SLC25A48: variants seen among roughly 807,000 people sequenced by gnomAD.
SLC25A48 encodes solute carrier family 25 member 48, also known as CTC-321K16.1.
Under a neutral mutation model 32.2 loss-of-function variants are expected in SLC25A48, and 29 were observed. The observed-to-expected ratio is 0.90, with a 90% confidence interval of 0.67 to 1.23. The LOEUF (loss-of-function observed/expected upper bound fraction) is 1.23. Ranked by LOEUF, SLC25A48 falls within the 50% of genes most tolerant of loss-of-function variation. SLC25A48 has a pLI of 0.00. For synonymous variants in SLC25A48, 164 were observed against 172.3 expected (o/e 0.95, Z 0.38); for missense variants, 399 against 422.7 (o/e 0.94, Z 0.49).
At chr5:135,592,062 G>A (rs1028267491) in intron 1 of SLC25A48, among the ~76,000 whole-genome samples, 1 of 152,196 alleles carries the variant, frequency 6.6e-6, no homozygotes, top group African/African-American at 2.4e-5. Context: ...CTCTGCTTGT[G>A]TTAGAGTGGG....
At position 135,880,011 on chromosome 5, in the gene SLC25A48, C is replaced by G. The variant is rs553909080; in HGVS notation, c.857C>G (p.Pro286Arg). 6.5e-7 allele frequency: 1 copy of G among 1,536,374 alleles called. No homozygotes were observed. Among genetic ancestry groups the G allele is most frequent in the South Asian group, 1.2e-5 (1 of 84,062 alleles). The change falls in exon 7 of 8, where the codon CCC becomes CGC. Residue 286 changes from proline (P) to arginine (R), a missense_variant. Coordinates refer to ENST00000681962, the MANE Select transcript of SLC25A48 (RefSeq NM_001349336.2). ...ACTGTGAACGCGGTGCGGGGCTTCC[C>G]CATGAGTGCGGCCATGTTCCTTGGG... ...GITVNAVRGF[P>R]MSAAMFLGYE...
intron 3 of SLC25A48, among the ~76,000 whole-genome samples, chr5:135,713,082 A>G (rs914068678): frequency 2.0e-5 from 3 of 152,180 alleles, no homozygotes; most frequent in Non-Finnish European, 4.4e-5. Flanking sequence ...TTAACCTAAG[A>G]ACTTGCTATG....
At chr5:135,600,553 T>G (rs535858162) in intron 1 of SLC25A48, among the ~76,000 whole-genome samples, 1 of 152,314 alleles carries the variant, frequency 6.6e-6, no homozygotes, top group South Asian at 2.1e-4. Context: ...CACTTCTGTA[T>G]CTTTGTTCCT....
intron 3 of SLC25A48, among the ~76,000 whole-genome samples, chr5:135,770,323 G>A (rs946922857): frequency 7.9e-5 from 12 of 151,164 alleles, no homozygotes; most frequent in Non-Finnish European, 1.3e-4. Flanking sequence ...AGGGGGAGAG[G>A]ATAATATTAC....
upstream of SLC25A48, among the ~76,000 whole-genome samples, chr5:135,831,085 G>A (rs1484941208): frequency 6.6e-6 from 1 of 152,200 alleles, no homozygotes; most frequent in Admixed American, 6.5e-5. Flanking sequence ...GGGAGAGGGA[G>A]CTGCAGGTGG....
In SLC25A48 at chr5:135,612,470, T is replaced by C. The variant is rs150809829; in HGVS notation, c.-848-16767T>C. On this transcript the variant is annotated intron_variant, in intron 1 of 10. Transcript: ENST00000646290. ...CTTTGCTACTGAACATTAGAACTTA[T>C]AACTTCTATCTATCTGTATCGTCTG... is the stretch of plus-strand genomic sequence containing the variant. 3.4e-3 allele frequency among the ~76,000 whole-genome samples: 511 copies of C among 152,304 alleles called. 2 individuals carry two copies. The highest frequency in any genetic ancestry group is 0.012 in the African/African-American group (497 of 41,556).
chr5:135,782,875 A>C (rs1418656885), intron 3 of SLC25A48, among the ~76,000 whole-genome samples: 1 of 118,188 alleles, frequency 8.5e-6, no homozygotes, highest in Non-Finnish European at 2.1e-5. Flanking sequence ...CCAGCTGTAC[A>C]ACCCCCTGTG....
At chr5:135,720,775 G>A (rs1395038813) in intron 3 of SLC25A48, among the ~76,000 whole-genome samples, 2 of 152,136 alleles carry the variant, frequency 1.3e-5, no homozygotes, top group Non-Finnish European at 1.5e-5. Flanking sequence ...ACAAAAATGG[G>A]GAGTGGAGCA....
chr5:135,727,145 G>A (rs1755108260), intron 3 of SLC25A48, among the ~76,000 whole-genome samples: 1 of 150,326 alleles, frequency 6.7e-6, no homozygotes, highest in South Asian at 2.1e-4. Context: ...TTTTTAAATT[G>A]AATTTTTTTT....
rs377524101 is a variant in SLC25A48, at chr5:135,615,636, C to T, written c.-848-13601C>T. On this transcript the variant is annotated intron_variant, in intron 1 of 10. Coordinates refer to the SLC25A48 transcript ENST00000646290. ...TAAAAGTTTTGGAAAATTTGCAGCCCGGCCGTATGGTAGAGAAGAAAAACC... is the reference window on the plus strand; with the variant it reads ...TAAAAGTTTTGGAAAATTTGCAGCCTGGCCGTATGGTAGAGAAGAAAAACC... Among the ~76,000 whole-genome samples the T allele has an allele frequency of 2.3e-4, 35 of 152,186 alleles. 1 individual carries two copies. The highest frequency in any genetic ancestry group is 7.0e-4 in the African/African-American group (29 of 41,536).
intron 7 of SLC25A48, among the ~76,000 whole-genome samples, chr5:135,880,361 C>G (rs2126835260): frequency 6.6e-6 from 1 of 152,182 alleles, no homozygotes; most frequent in South Asian, 2.1e-4. Flanking sequence ...CTCCGTTTCC[C>G]CTTCCAGCAG....
intron 1 of SLC25A48, among the ~76,000 whole-genome samples, chr5:135,623,918 C>T (rs751347949): frequency 1.6e-4 from 24 of 152,194 alleles, no homozygotes; most frequent in Admixed American, 1.3e-4. Context: ...CCGGGTACCT[C>T]ATGAGGAATG....
rs1250199125 is a variant in SLC25A48, at chr5:135,781,451, G to A, written c.-520-31072G>A. 3.4e-5 allele frequency among the ~76,000 whole-genome samples: 4 copies of A among 116,940 alleles called. 1 individual carries two copies. The highest frequency in any genetic ancestry group is 8.5e-5 in the Non-Finnish European group (4 of 47,314). 76.7% of individuals were successfully genotyped at this position (116,940 alleles called of 152,430 possible). The stretch of plus-strand genomic sequence containing the variant: ...AGGTGCACAACCCTTTTGTGATATT[G>A]TTTGTAATATCCAGGAAGGGAGAGG... On this transcript the variant is annotated intron_variant, in intron 3 of 10. Coordinates refer to the SLC25A48 transcript ENST00000646290.
intron 3 of SLC25A48, among the ~76,000 whole-genome samples, chr5:135,690,033 G>A (rs528065907): frequency 3.3e-5 from 5 of 152,270 alleles, no homozygotes; most frequent in African/African-American, 7.2e-5. Context: ...ATGTACATTC[G>A]AACTAGGGTG....
At chr5:135,737,040 G>A (rs1755379166) in intron 3 of SLC25A48, among the ~76,000 whole-genome samples, 1 of 152,202 alleles carries the variant, frequency 6.6e-6, no homozygotes, top group Non-Finnish European at 1.5e-5. Context: ...GGAGGACAGA[G>A]GATTGATCTC....
At chr5:135,793,143 G>T (rs56117686) in intron 3 of SLC25A48, among the ~76,000 whole-genome samples, 1 of 150,246 alleles carries the variant, frequency 6.7e-6, no homozygotes, top group East Asian at 2.0e-4. Context: ...CTGGGATATC[G>T]CTCGTAATAT....
At chr5:135,622,180 A>G (rs955693715) in intron 1 of SLC25A48, among the ~76,000 whole-genome samples, 8 of 152,248 alleles carry the variant, frequency 5.3e-5, no homozygotes, top group Non-Finnish European at 1.2e-4. Context: ...TAGAAGATCC[A>G]GTGATACTGA....
chr5:135,859,538 C>T (rs1228163180), intron 4 of SLC25A48, among the ~76,000 whole-genome samples: 1 of 152,212 alleles, frequency 6.6e-6, no homozygotes, highest in Non-Finnish European at 1.5e-5. Flanking sequence ...TTATTTGACA[C>T]AAGGCCAGCC....
intron 3 of SLC25A48, among the ~76,000 whole-genome samples, chr5:135,679,092 T>C (rs1487901799): frequency 6.6e-6 from 1 of 152,118 alleles, no homozygotes; most frequent in Non-Finnish European, 1.5e-5. Flanking sequence ...GGGCAGCAGT[T>C]GTGGCATAGG....
Sources: gnomAD v4.1 joint callset for allele counts (sites outside exome capture counted in the v4.1 genomes callset) on GRCh38, gnomAD v4.1.1 for gene constraint, MANE v1.5 for transcripts, NCBI Gene and HGNC (gene_info 2026-07-23, HGNC 2026-07-21) for gene names.